Variants in MED14 observed in about 807,000 individuals in gnomAD.
The protein encoded by MED14 is mediator complex subunit 14, also known as mediator of RNA polymerase II transcription subunit 14.
Under a neutral mutation model 109.0 loss-of-function variants are expected in MED14, and 8 were observed. The ratio of observed to expected loss-of-function variants is 0.07; its 90% CI spans 0.04 to 0.13. The LOEUF is 0.13. Among genes scored for constraint, MED14 ranks in the 10% least tolerant of loss-of-function variants. MED14 has a pLI of 1.00. For missense variants in MED14, 711 were observed against 1,142.4 expected, an observed-to-expected ratio of 0.62 and a Z score of 5.44; for synonymous variants, 399 against 408.7, an observed-to-expected ratio of 0.98 and a Z score of 0.29.
intron 28 of MED14, among the ~76,000 whole-genome samples, chrX:40,657,792 G>C (rs1472203010): frequency 1.8e-5 from 2 of 111,366 alleles, no homozygotes; most frequent in Admixed American, 9.5e-5. Flanking sequence ...CAGATTGACT[G>C]ACTGATTGAT....
At chrX:40,664,596 A>C in intron 24 of MED14, 107 bp from the exon 25 acceptor site, 1 of 491,254 alleles carries the variant, frequency 2.0e-6, no homozygotes, top group Non-Finnish European at 3.0e-6. Flanking sequence ...TTTTTCTTCC[A>C]ATAAGATGTT....
In MED14 at chrX:40,712,208, A is replaced by C; in HGVS notation, c.867T>G (p.Leu289=). ...QSRLFADEKP[L]QDMYNCLHSF... is the part of the protein sequence containing the mutation. ...TACGTAGGCAGTTGTACATATCCTG[A>C]AGAGGTTTCTCATCAGCAAAGAGCC... is the stretch of plus-strand genomic sequence containing the variant. Residue 289 remains leucine, a synonymous_variant, in exon 7 of 31, where the codon CTT becomes CTG. Transcript: ENST00000324817. The C allele has an allele frequency of 8.3e-7, 1 of 1,203,221 alleles. No homozygotes were observed. The highest frequency in any genetic ancestry group is 3.0e-5 in the East Asian group (1 of 33,745).
Position 40,651,553 on chromosome X carries a change from A to C in MED14, c.*253T>G, listed in dbSNP as rs925623508. The C allele has an allele frequency of 1.1e-6, 1 of 888,341 alleles. No individual in the cohort carries two copies. The highest frequency in any genetic ancestry group is 2.1e-5 in the African/African-American group (1 of 47,719). 73.2% of individuals were successfully genotyped at this position (888,341 alleles called of 1,213,427 possible). A position where few individuals can be genotyped will look rare whatever the true frequency, so the allele number is the denominator to read the frequency against. ...TAGTATAAAACAGAATATTAAATTT[A>C]TTACTGGCAAACGGACACTGATTTA... is the stretch of plus-strand genomic sequence containing the variant. On this transcript the variant is annotated 3_prime_UTR_variant, in exon 31 of 31. Coordinates refer to ENST00000324817, the MANE Select transcript of MED14 (RefSeq NM_004229.4).
chrX:40,712,662 C>T (rs1236887359), intron 6 of MED14, among the ~76,000 whole-genome samples: 1 of 110,728 alleles, frequency 9.0e-6, no homozygotes, highest in African/African-American at 3.3e-5. Flanking sequence ...CCCCAGCCTC[C>T]CAAGTAGCTG....
chrX:40,726,921 G>T, intron 2 of MED14, 70 bp from the exon 3 acceptor site: 1 of 856,629 alleles, frequency 1.2e-6, no homozygotes, highest in Non-Finnish European at 1.6e-6. Context: ...TTTCAGCTAA[G>T]CAAAAATAAA....
At chrX:40,708,665 C>A (rs889118573) in intron 10 of MED14, among the ~76,000 whole-genome samples, 1 of 112,081 alleles carries the variant, frequency 8.9e-6, no homozygotes, top group East Asian at 2.8e-4. Flanking sequence ...TGTTGCGAAC[C>A]TATATTCCCA....
Position 40,651,890 on chromosome X carries a change from G to A in MED14, c.4292-11C>T. 8.4e-7 allele frequency: 1 copy of A among 1,190,709 alleles called. No homozygotes were observed. The highest frequency in any genetic ancestry group is 1.8e-5 in the African/African-American group (1 of 56,952). On this transcript the variant is annotated splice_polypyrimidine_tract_variant and intron_variant, in intron 30 of 30. Transcript: ENST00000324817. ...ATATTGTGCATTCACCTGCAACAGA[G>A]AAAAATGGTCATTAGCTATTCACAA...
chrX:40,688,700 G>A (rs1174510661), intron 15 of MED14, among the ~76,000 whole-genome samples, 170 bp from the exon 16 acceptor site: 1 of 112,055 alleles, frequency 8.9e-6, no homozygotes. Context: ...CCTGGGAAAC[G>A]ACATGAAGTC....
chrX:40,713,886 G>C lies in MED14; in HGVS notation c.544C>G (p.Pro182Ala). The change falls in exon 5 of 31, where the codon CCA becomes GCA. Residue 182 changes from proline to alanine, a missense_variant. Physicochemically the swap from Pro to Ala is conservative, Grantham distance 27. Coordinates refer to ENST00000324817, the MANE Select transcript of MED14 (RefSeq NM_004229.4). ...GCTTGTTTTTCAATTTTGGTAATTG[G>C]GTCTGGAGGAATAATTTTGTCCTGC... ...CIRDKIIPPD[P>A]ITKIEKQATL... 8.3e-7 allele frequency: 1 copy of C among 1,206,441 alleles called. No homozygotes were observed. The highest frequency in any genetic ancestry group is 1.7e-5 in the African/African-American group (1 of 57,566).
At chrX:40,659,739 A>C (rs1180827090) in intron 26 of MED14, 132 bp from the exon 27 acceptor site, 2 of 538,061 alleles carry the variant, frequency 3.7e-6, no homozygotes, top group African/African-American at 4.7e-5. Flanking sequence ...AGCATTGAGC[A>C]TCAGCTGCTG....
At chrX:40,724,436 C>T (rs1931832747) in intron 3 of MED14, among the ~76,000 whole-genome samples, 1 of 112,060 alleles carries the variant, frequency 8.9e-6, no homozygotes, top group Non-Finnish European at 1.9e-5. Flanking sequence ...TATGTTAGGC[C>T]ACAAAGCAAG....
intron 10 of MED14, among the ~76,000 whole-genome samples, chrX:40,707,980 A>G (rs1371976172): frequency 9.0e-6 from 1 of 111,646 alleles, no homozygotes. Context: ...TTCCAGTGAG[A>G]GTTTCAATTA....
rs771965843 is a variant in MED14 at position 40,687,983 on chromosome X, G to C, written c.2057+471C>G. 1.3e-3 allele frequency among the ~76,000 whole-genome samples: 148 copies of C among 112,063 alleles called. 1 individual carries two copies. The highest frequency in any genetic ancestry group is 4.6e-3 in the African/African-American group (143 of 30,804). ...TAATCCCAACACTTTGGGAGGCCGA[G>C]GTGGGTGGATCACTTGAGGCCAGGA... On this transcript the variant is annotated intron_variant, in intron 16 of 30. Transcript: ENST00000324817.
chrX:40,669,374 CT>C (rs776580296), intron 23 of MED14, among the ~76,000 whole-genome samples: 1 of 111,878 alleles, frequency 8.9e-6, no homozygotes, highest in South Asian at 3.8e-4. Flanking sequence ...CCACTGACCA[CT>C]GGTATTCCTA....
intron 2 of MED14, among the ~76,000 whole-genome samples, chrX:40,728,792 T>C (rs1277679080): frequency 2.7e-5 from 3 of 110,872 alleles, no homozygotes; most frequent in African/African-American, 9.9e-5. Context: ...ATAGCATCAT[T>C]GTTGCAAGTG....
intron 28 of MED14, among the ~76,000 whole-genome samples, chrX:40,658,440 A>G (rs768696352): frequency 9.0e-6 from 1 of 111,494 alleles, no homozygotes; most frequent in Non-Finnish European, 1.9e-5. Context: ...TAGGACCAAC[A>G]AAGCTGAGGA....
At position 40,659,794 on chromosome X, in the gene MED14, G is replaced by T. The variant is rs1465624539; in HGVS notation, c.3685-187C>A. 1.1e-5 allele frequency: 4 copies of T among 371,847 alleles called. No homozygotes were observed. In the East Asian group the frequency reaches 1.7e-4, roughly 16 times the overall value. The allele number at this position is 371,847 out of a possible 1,213,427, so 30.6% of individuals were successfully genotyped here. ...TGCGATCAGACATTATGTGCCTCTT[G>T]ATGGAAGAACATAACTCTACCTATG... On this transcript the variant is annotated intron_variant, in intron 26 of 30. Transcript: ENST00000324817.
chrX:40,724,497 A>G (rs970063985), intron 3 of MED14, among the ~76,000 whole-genome samples: 2 of 112,522 alleles, frequency 1.8e-5, no homozygotes, highest in African/African-American at 6.5e-5. Context: ...TTCTCTGACC[A>G]CAATGGAATA....
chrX:40,724,222 C>T (rs1354063832), intron 3 of MED14, among the ~76,000 whole-genome samples: 1 of 112,383 alleles, frequency 8.9e-6, no homozygotes, highest in African/African-American at 3.2e-5. Context: ...AACAAAATGT[C>T]AATACAATAA....
Sources: allele counts gnomAD v4.1 joint callset (sites outside exome capture counted in the v4.1 genomes callset), GRCh38; gene constraint gnomAD v4.1.1; transcripts MANE v1.5; gene names NCBI Gene and HGNC (gene_info 2026-07-23, HGNC 2026-07-21).